The following SUCLG2 variants were observed in gnomAD, a reference collection of about 807,000 sequenced individuals.
SUCLG2 encodes the protein succinate--CoA ligase [GDP-forming] subunit beta, mitochondrial.
SUCLG2 carries 42 observed loss-of-function variants against 47.9 expected under a neutral mutation model. The observed-to-expected ratio is 0.88, with a 90% CI of 0.69 to 1.14. SUCLG2 has a LOEUF of 1.14. SUCLG2 is among the 50% of genes most tolerant of loss of function. The pLI is 0.00. For missense variants in SUCLG2, 571 were observed against 525.9 expected, an observed-to-expected ratio of 1.09 and a Z score of -0.84; for synonymous variants, 195 against 197.3, an observed-to-expected ratio of 0.99 and a Z score of 0.10.
chr3:67,502,572 G>A (rs1448186909), intron 7 of SUCLG2, among the ~76,000 whole-genome samples: 1 of 152,176 alleles, frequency 6.6e-6, no homozygotes, highest in African/African-American at 2.4e-5. Flanking sequence ...CCTAGACAGT[G>A]GGTACTAGCA....
At chr3:67,430,111 C>A (rs1703436035) in intron 9 of SUCLG2, among the ~76,000 whole-genome samples, 1 of 152,204 alleles carries the variant, frequency 6.6e-6, no homozygotes, top group Non-Finnish European at 1.5e-5. Context: ...TAATAGACAT[C>A]TACAGAATTC....
chr3:67,418,310 A>G (rs1703079681), intron 9 of SUCLG2, among the ~76,000 whole-genome samples: 1 of 151,214 alleles, frequency 6.6e-6, no homozygotes, highest in South Asian at 2.1e-4. Context: ...TACCTGGCAT[A>G]TAAGTAATTC....
intron 9 of SUCLG2, among the ~76,000 whole-genome samples, chr3:67,459,504 G>C (rs1386095473): frequency 6.6e-6 from 1 of 152,082 alleles, no homozygotes; most frequent in Admixed American, 6.5e-5. Context: ...GCTTTTGCTT[G>C]GTGATTTGCT....
At chr3:67,521,152 G>T (rs1244818073) in intron 4 of SUCLG2, among the ~76,000 whole-genome samples, 1 of 152,100 alleles carries the variant, frequency 6.6e-6, no homozygotes, top group Admixed American at 6.5e-5. Context: ...TTTATAAAAA[G>T]AATATTTGCT....
At chr3:67,486,878 T>C (rs1429768886) in intron 9 of SUCLG2, among the ~76,000 whole-genome samples, 1 of 152,210 alleles carries the variant, frequency 6.6e-6, no homozygotes, top group African/African-American at 2.4e-5. Flanking sequence ...ATTGGGTGAC[T>C]AAAATTTTTC....
chr3:67,556,662 C>T (rs557434373), intron 2 of SUCLG2, among the ~76,000 whole-genome samples: 1 of 152,160 alleles, frequency 6.6e-6, no homozygotes, highest in Non-Finnish European at 1.5e-5. Context: ...CACAGACCTT[C>T]TTCCCATTGT....
chr3:67,439,060 C>T (rs1703693955), intron 9 of SUCLG2, among the ~76,000 whole-genome samples: 1 of 152,154 alleles, frequency 6.6e-6, no homozygotes, highest in Non-Finnish European at 1.5e-5. Context: ...GGATTCAACC[C>T]TGGGATGCAA....
chr3:67,566,363 TA>T (rs1328023129), intron 2 of SUCLG2, among the ~76,000 whole-genome samples: 3 of 152,160 alleles, frequency 2.0e-5, no homozygotes, highest in African/African-American at 7.2e-5. Context: ...GGGGATATTT[TA>T]AAATATGGAA....
At chr3:67,557,257 A>AT (rs1707186573) in intron 2 of SUCLG2, among the ~76,000 whole-genome samples, 1 of 152,224 alleles carries the variant, frequency 6.6e-6, no homozygotes, top group South Asian at 2.1e-4. Context: ...CTAATATCAC[A>AT]TATTACATAG....
intron 5 of SUCLG2, among the ~76,000 whole-genome samples, chr3:67,519,484 A>C (rs1319808560): frequency 6.6e-6 from 1 of 152,110 alleles, no homozygotes; most frequent in African/African-American, 2.4e-5. Flanking sequence ...TAGGAACTTA[A>C]CTCTTGTTTA....
chr3:67,589,009 C>T (rs1266783330), intron 2 of SUCLG2, among the ~76,000 whole-genome samples: 1 of 152,126 alleles, frequency 6.6e-6, no homozygotes, highest in East Asian at 1.9e-4. Context: ...AAGACCCTGC[C>T]CATCCCTCTA....
chr3:67,415,416 T>C (rs1703018510), intron 9 of SUCLG2, among the ~76,000 whole-genome samples: 1 of 152,178 alleles, frequency 6.6e-6, no homozygotes. Context: ...ACTGCCTAAG[T>C]ATTTTATCTA....
chr3:67,582,826 C>T (rs1707916648), intron 2 of SUCLG2, among the ~76,000 whole-genome samples: 1 of 152,090 alleles, frequency 6.6e-6, no homozygotes, highest in Non-Finnish European at 1.5e-5. Context: ...CTACACCACA[C>T]ATCTAAACCA....
chr3:67,611,608 A>G (rs1700528060), intron 1 of SUCLG2, among the ~76,000 whole-genome samples: 2 of 152,240 alleles, frequency 1.3e-5, no homozygotes, highest in South Asian at 4.1e-4. Flanking sequence ...GGAACAATCA[A>G]TAGATTATGT....
intron 2 of SUCLG2, among the ~76,000 whole-genome samples, chr3:67,583,738 A>C (rs1311358648): frequency 6.6e-6 from 1 of 152,228 alleles, no homozygotes; most frequent in Non-Finnish European, 1.5e-5. Flanking sequence ...TGAGGTATCC[A>C]GTTCCTTGAC....
At chr3:67,472,906 C>A (rs1704640074) in intron 9 of SUCLG2, among the ~76,000 whole-genome samples, 1 of 151,962 alleles carries the variant, frequency 6.6e-6, no homozygotes, top group South Asian at 2.1e-4. Context: ...AGGAAGGCAG[C>A]TAAGTATCTT....
At chr3:67,458,922 A>G (rs920931340) in intron 9 of SUCLG2, among the ~76,000 whole-genome samples, 4 of 152,228 alleles carry the variant, frequency 2.6e-5, no homozygotes, top group African/African-American at 9.6e-5. Flanking sequence ...AAGTCTTCCA[A>G]CAAGAAAAAC....
intron 1 of SUCLG2, among the ~76,000 whole-genome samples, chr3:67,618,220 G>A (rs1212696807): frequency 6.6e-6 from 1 of 152,086 alleles, no homozygotes; most frequent in Non-Finnish European, 1.5e-5. Flanking sequence ...AAGAGATTGA[G>A]ACCATCCTGG....
chr3:67,544,834 C>G (rs1575767629), intron 2 of SUCLG2, among the ~76,000 whole-genome samples: 1 of 152,188 alleles, frequency 6.6e-6, no homozygotes, highest in African/African-American at 2.4e-5. Context: ...GGATCCTGCA[C>G]TATAAATCAT....
Sources: allele counts gnomAD v4.1 joint callset (sites outside exome capture counted in the v4.1 genomes callset), GRCh38; gene constraint gnomAD v4.1.1; transcripts MANE v1.5; gene names NCBI Gene and HGNC (gene_info 2026-07-23, HGNC 2026-07-21).